The following DYRK1A variants were observed in gnomAD, a reference collection of about 807,000 sequenced individuals.
The protein encoded by DYRK1A is dual specificity tyrosine-phosphorylation-regulated kinase 1A.
Under a neutral mutation model 79.7 loss-of-function variants are expected in DYRK1A, and 9 were observed. The observed-to-expected ratio is 0.11, with a 90% CI of 0.07 to 0.20. DYRK1A has a LOEUF of 0.20. Among genes scored for constraint, DYRK1A ranks in the 10% least tolerant of loss-of-function variants. The probability of loss-of-function intolerance (pLI) is 1.00; values close to 1 mark genes in which losing one functional copy is unlikely to be tolerated. For synonymous variants in DYRK1A, 349 were observed against 329.7 expected (o/e 1.06, Z -0.63); for missense variants, 622 against 956.0 (o/e 0.65, Z 4.61).
At position 37,450,028 on chromosome 21, in the gene DYRK1A, G is replaced by A. The variant is rs191152549; in HGVS notation, c.11-22656G>A. On this transcript the variant is annotated intron_variant, in intron 2 of 11. Coordinates refer to ENST00000647188, the MANE Select transcript of DYRK1A (RefSeq NM_001347721.2). ...TCGCAGCAGAAGACCAGTCTGCTTC[G>A]GATCCCACACCTGGCACTTGTGCAA... 5.9e-4 allele frequency among the ~76,000 whole-genome samples: 90 copies of A among 152,258 alleles called. 1 individual carries two copies. In the East Asian group the frequency reaches 0.016, roughly 26 times the overall value.
intron 1 of DYRK1A, among the ~76,000 whole-genome samples, chr21:37,414,806 T>C (rs1220939218): frequency 6.6e-6 from 1 of 152,176 alleles, no homozygotes; most frequent in Non-Finnish European, 1.5e-5. Flanking sequence ...CACAAGAGAA[T>C]AGATAAACAG....
At position 37,512,662 on chromosome 21, in the gene DYRK1A, G is replaced by GA; in HGVS notation, c.*132dup. On this transcript the variant is annotated 3_prime_UTR_variant, in exon 12 of 12. Coordinates refer to ENST00000647188, the MANE Select transcript of DYRK1A (RefSeq NM_001347721.2). ...TGAACCGCTACAAGAGGGCAAAGCT[G>GA]ATTTTTTTTTTAACTTGAAAAGATT... 2 of 1,085,736 alleles carry GA rather than the reference G, an allele frequency of 1.8e-6. No individual in the cohort carries two copies. The highest frequency in any genetic ancestry group is 2.6e-6 in the Non-Finnish European group (2 of 777,848). 67.3% of individuals were successfully genotyped at this position (1,085,736 alleles called of 1,614,324 possible).
intron 2 of DYRK1A, among the ~76,000 whole-genome samples, chr21:37,471,047 G>A (rs989666564): frequency 1.3e-5 from 2 of 152,148 alleles, no homozygotes; most frequent in African/African-American, 4.8e-5. Flanking sequence ...GCAATGCTAG[G>A]GGCAGTTGAC....
At chr21:37,379,051 A>G (rs2049604760) in intron 1 of DYRK1A, among the ~76,000 whole-genome samples, 1 of 152,152 alleles carries the variant, frequency 6.6e-6, no homozygotes, top group Admixed American at 6.5e-5. Flanking sequence ...CTGGAGCATC[A>G]GATGAGGGAG....
chr21:37,495,927 C>T (rs2053253574), intron 8 of DYRK1A, among the ~76,000 whole-genome samples, 191 bp from the exon 9 acceptor site: 1 of 152,164 alleles, frequency 6.6e-6, no homozygotes, highest in Admixed American at 6.5e-5. Context: ...TGACTGTCTT[C>T]CCTTCTGTGG....
At chr21:37,451,876 T>C (rs2051464174) in intron 2 of DYRK1A, among the ~76,000 whole-genome samples, 1 of 152,172 alleles carries the variant, frequency 6.6e-6, no homozygotes, top group Non-Finnish European at 1.5e-5. Flanking sequence ...ATCCTGGGTC[T>C]TGAAGTTTGA....
At chr21:37,499,186 A>G (rs2053365153) in intron 9 of DYRK1A, among the ~76,000 whole-genome samples, 1 of 152,060 alleles carries the variant, frequency 6.6e-6, no homozygotes, top group African/African-American at 2.4e-5. Context: ...TGCCATCTCC[A>G]AGTTTGTGAA....
chr21:37,501,525 T>C (rs1024839919), intron 9 of DYRK1A: 10 of 152,216 alleles, frequency 6.6e-5, no homozygotes, highest in East Asian at 1.9e-4. Context: ...ATTTCTTCTT[T>C]AACCTGTCAT....
chr21:37,412,388 A>G (rs967425427), intron 1 of DYRK1A, among the ~76,000 whole-genome samples: 2 of 152,220 alleles, frequency 1.3e-5, no homozygotes, highest in African/African-American at 4.8e-5. Context: ...ACAGCTTTTT[A>G]AGCACAGTAG....
chr21:37,372,465 G>A (rs2049452592), intron 1 of DYRK1A, among the ~76,000 whole-genome samples: 2 of 150,550 alleles, frequency 1.3e-5, no homozygotes, highest in African/African-American at 2.4e-5. Flanking sequence ...AAAAAAAAAG[G>A]TTTGAACTGT....
chr21:37,375,519 CTT>C (rs58948987), intron 1 of DYRK1A, among the ~76,000 whole-genome samples: 38 of 81,450 alleles, frequency 4.7e-4, no homozygotes, highest in Admixed American at 2.4e-3. Context: ...AGGAATATTA[CTT>C]TTTTTTTTTT....
intron 2 of DYRK1A, among the ~76,000 whole-genome samples, chr21:37,471,329 A>G (rs1263893228): frequency 6.6e-6 from 1 of 152,170 alleles, no homozygotes; most frequent in Non-Finnish European, 1.5e-5. Context: ...CTGCGTAGGA[A>G]ATGGTGTCAT....
chr21:37,457,920 A>G (rs2051706772), intron 2 of DYRK1A, among the ~76,000 whole-genome samples: 5 of 152,238 alleles, frequency 3.3e-5, no homozygotes, highest in Admixed American at 3.3e-4. Flanking sequence ...TTGTTTCCAA[A>G]GAAACATTAT....
chr21:37,384,254 ACTTAGTGGTCCC>A (rs1430900118), intron 1 of DYRK1A, among the ~76,000 whole-genome samples: 1 of 152,204 alleles, frequency 6.6e-6, no homozygotes, highest in Non-Finnish European at 1.5e-5. Flanking sequence ...TTATACATCT[ACTTAGTGGTCCC>A]CTTAAATGTT....
At chr21:37,380,544 G>A (rs966368098) in intron 1 of DYRK1A, among the ~76,000 whole-genome samples, 1 of 152,078 alleles carries the variant, frequency 6.6e-6, no homozygotes, top group South Asian at 2.1e-4. Context: ...GAAGCCAGGC[G>A]TTTTAAGATT....
Position 37,505,424 on chromosome 21 carries a change from G to T in DYRK1A, c.1354G>T (p.Asp452Tyr), listed in dbSNP as rs1215143624. The change falls in exon 10 of 12, where the codon GAT (aspartate) becomes TAT (tyrosine). Residue 452 changes from aspartate to tyrosine, a missense_variant. This residue lies in a region of DYRK1A where 80 missense variants were observed against 116.5 expected (regional missense o/e 0.69). Coordinates refer to ENST00000647188, the MANE Select transcript of DYRK1A (RefSeq NM_001347721.2). ...CAAAGACCTCATTTTAAGGATGCTT[G>T]ATTATGACCCCAAAACTCGAATTCA... ...KFKDLILRML[D>Y]YDPKTRIQPY... 1 of 1,614,182 alleles carries T rather than the reference G, an allele frequency of 6.2e-7. No individual in the cohort carries two copies. Among genetic ancestry groups the T allele is most frequent in the Admixed American group, 1.7e-5 (1 of 60,024 alleles).
chr21:37,405,745 GGT>G (rs2050135062), intron 1 of DYRK1A, among the ~76,000 whole-genome samples: 1 of 152,126 alleles, frequency 6.6e-6, no homozygotes, highest in African/African-American at 2.4e-5. Flanking sequence ...CATGGTGTAT[GGT>G]GTGTGCGTAG....
At chr21:37,431,142 A>C (rs1016107439) in intron 2 of DYRK1A, among the ~76,000 whole-genome samples, 2 of 152,156 alleles carry the variant, frequency 1.3e-5, no homozygotes, top group East Asian at 1.9e-4. Flanking sequence ...ATATAGAGGA[A>C]TATAGAGGAT....
intron 2 of DYRK1A, among the ~76,000 whole-genome samples, chr21:37,463,617 C>G (rs555236047): frequency 6.6e-6 from 1 of 152,182 alleles, no homozygotes; most frequent in African/African-American, 2.4e-5. Flanking sequence ...TCAGTTCATT[C>G]CTTTATTGCA....
Sources: gnomAD v4.1 joint callset for allele counts (sites outside exome capture counted in the v4.1 genomes callset) on GRCh38, gnomAD v4.1.1 for gene constraint, gnomAD v4.1.1 regional missense constraint, MANE v1.5 for transcripts, NCBI Gene and HGNC (gene_info 2026-07-23, HGNC 2026-07-21) for gene names.